Variants in MRPL42 observed in about 807,000 individuals in gnomAD.
The protein encoded by MRPL42 is mitochondrial ribosomal protein L42, also known as large ribosomal subunit protein mL42.
MRPL42 carries 17 observed loss-of-function variants against 17.9 expected under a neutral mutation model. The observed-to-expected ratio is 0.95, with a 90% CI of 0.65 to 1.42. The LOEUF (loss-of-function observed/expected upper bound fraction) is 1.42, where lower values mean the gene tolerates loss of function less well. MRPL42 is among the 40% of genes most tolerant of loss of function. The pLI, the probability that MRPL42 is intolerant of heterozygous loss-of-function variation, is 0.00. For missense variants in MRPL42, 177 were observed against 175.2 expected (o/e 1.01, Z -0.06); for synonymous variants, 59 against 54.4 (o/e 1.08, Z -0.37).
chr12:93,487,839 C>G (rs1953334461), intron 5 of MRPL42, 179 bp downstream of exon 5: 2 of 521,394 alleles, frequency 3.8e-6, no homozygotes, highest in Non-Finnish European at 6.5e-6. Flanking sequence ...CTCTGTCACC[C>G]AGGCTGGAGT....
chr12:93,474,419 G>A (rs575845275), intron 2 of MRPL42, among the ~76,000 whole-genome samples: 168 of 151,328 alleles, frequency 1.1e-3, no homozygotes, highest in South Asian at 2.1e-3. Context: ...GATTACAGGA[G>A]TGAGCCACCA....
Position 93,499,902 on chromosome 12 carries a change from T to A in MRPL42, c.384-1274T>A, listed in dbSNP as rs182345402. On this transcript the variant is annotated intron_variant, in intron 5 of 5. Transcript: ENST00000549982. ...TACCATTTATAGTATAAAACTGAAT[T>A]TCCACATTAGCAAAAGATTGAAAAC... is the stretch of plus-strand genomic sequence containing the variant. 1.6e-4 allele frequency among the ~76,000 whole-genome samples: 25 copies of A among 152,280 alleles called. No individual in the cohort carries two copies. The East Asian group carries it at 4.2e-3, about 26-fold the overall frequency.
chr12:93,486,738 A>G (rs1880758612), intron 4 of MRPL42, among the ~76,000 whole-genome samples: 1 of 152,244 alleles, frequency 6.6e-6, no homozygotes, highest in African/African-American at 2.4e-5. Flanking sequence ...TAATAGGCAT[A>G]ATTTATACCT....
intron 4 of MRPL42, among the ~76,000 whole-genome samples, chr12:93,482,193 T>A (rs1209572695): frequency 1.3e-5 from 2 of 152,228 alleles, no homozygotes; most frequent in African/African-American, 2.4e-5. Context: ...TTGCCTGGAA[T>A]GCTTTTACTT....
intron 2 of MRPL42, among the ~76,000 whole-genome samples, chr12:93,472,190 G>A (rs1194446128): frequency 6.6e-6 from 1 of 151,990 alleles, no homozygotes; most frequent in African/African-American, 2.4e-5. Context: ...TAAGAATTAG[G>A]TTACCCTAGA....
rs1210113625 is a variant in MRPL42, at chr12:93,511,349, CAAAT to C, written c.*10132_*10135del. The C allele has an allele frequency of 1.3e-5, 2 of 152,146 alleles. No homozygotes were observed. The allele number at this position is 152,146 out of a possible 1,614,324, so 9.4% of individuals were successfully genotyped here. On this transcript the variant is annotated 3_prime_UTR_variant, in exon 6 of 6. Coordinates refer to ENST00000549982, the MANE Select transcript of MRPL42 (RefSeq NM_014050.4). ...GAAAGCACAGATATTCATTATTTCA[CAAAT>C]AAACGTTAATGCTTTTTAGACATCT...
At position 93,515,795 on chromosome 12, in the gene MRPL42, A is replaced by T. The variant is rs1953776093; in HGVS notation, c.*14574A>T. The T allele has an allele frequency of 6.6e-6, 1 of 152,236 alleles. No individual in the cohort carries two copies. The highest frequency in any genetic ancestry group is 1.5e-5 in the Non-Finnish European group (1 of 68,042). 9.4% of individuals were successfully genotyped at this position (152,236 alleles called of 1,614,324 possible). On this transcript the variant is annotated 3_prime_UTR_variant, in exon 6 of 6. Transcript: ENST00000549982. ...CTATGTTATTTTCCTATTGGGCATA[A>T]GTCTCACAGAATACCAACATTAAAC... is the stretch of plus-strand genomic sequence containing the variant.
At chr12:93,479,313 C>A (rs1196177521) in intron 3 of MRPL42, 75 bp from the exon 4 acceptor site, 320 of 731,590 alleles carry the variant, frequency 4.4e-4, no homozygotes, top group African/African-American at 1.7e-3. Context: ...GAGTCCATCT[C>A]AAAAAAAAAA....
chr12:93,508,651 C>G lies in MRPL42; in HGVS notation c.*7430C>G, dbSNP rs1164353359. 6.6e-6 allele frequency: 1 copy of G among 152,080 alleles called. No individual in the cohort carries two copies. The highest frequency in any genetic ancestry group is 1.5e-5 in the Non-Finnish European group (1 of 68,026). 9.4% of individuals were successfully genotyped at this position (152,080 alleles called of 1,614,324 possible). A position where few individuals can be genotyped will look rare whatever the true frequency, so the allele number is the denominator to read the frequency against. ...TGTTTATGGGTTTACATTGTCATGT[C>G]TCCACAGGACAATGCACATGGTATG... On this transcript the variant is annotated 3_prime_UTR_variant, in exon 6 of 6. Transcript: ENST00000549982.
chr12:93,471,985 A>G (rs61934319), intron 2 of MRPL42, among the ~76,000 whole-genome samples: 22,368 of 152,188 alleles, frequency 0.15, 2,160 homozygotes, highest in Non-Finnish European at 0.21. Context: ...GCCCATCAGA[A>G]AACCAGTTAA....
chr12:93,475,087 G>A (rs1326514433), intron 2 of MRPL42, among the ~76,000 whole-genome samples: 1 of 151,936 alleles, frequency 6.6e-6, no homozygotes, highest in Non-Finnish European at 1.5e-5. Flanking sequence ...GGGGCAGGGA[G>A]AGTAAAAAGG....
At chr12:93,496,838 G>C (rs1251414059) in intron 5 of MRPL42, among the ~76,000 whole-genome samples, 1 of 151,862 alleles carries the variant, frequency 6.6e-6, no homozygotes, top group African/African-American at 2.4e-5. Context: ...TGGGGACGGA[G>C]TTCTGCTCTT....
intron 3 of MRPL42, among the ~76,000 whole-genome samples, chr12:93,479,041 C>T (rs1450551609): frequency 2.6e-5 from 4 of 151,260 alleles, no homozygotes; most frequent in African/African-American, 9.7e-5. Context: ...AAGTGATTCT[C>T]CTGCCTCAGC....
intron 2 of MRPL42, among the ~76,000 whole-genome samples, chr12:93,474,169 C>G (rs1880048380): frequency 6.6e-6 from 1 of 151,998 alleles, no homozygotes; most frequent in African/African-American, 2.4e-5. Flanking sequence ...GTTTTCTTGT[C>G]TGCATATTTC....
At chr12:93,490,365 T>C (rs1228155853) in intron 5 of MRPL42, among the ~76,000 whole-genome samples, 1 of 152,230 alleles carries the variant, frequency 6.6e-6, no homozygotes, top group Non-Finnish European at 1.5e-5. Flanking sequence ...CGTTTTTTAA[T>C]TGTAAAGTGA....
intron 2 of MRPL42, among the ~76,000 whole-genome samples, chr12:93,475,049 A>G (rs562815828): frequency 6.6e-6 from 1 of 152,208 alleles, no homozygotes; most frequent in African/African-American, 2.4e-5. Flanking sequence ...GCTGAGATAG[A>G]CAACTCTTTC....
chr12:93,484,975 C>CATATATATATAT lies in MRPL42; in HGVS notation c.220-2521_220-2520insTATATATATATA, dbSNP rs1565813718. 8.6e-5 allele frequency among the ~76,000 whole-genome samples: 2 copies of CATATATATATAT among 23,170 alleles called. 1 individual carries two copies. Among genetic ancestry groups the CATATATATATAT allele is most frequent in the African/African-American group, 2.5e-4 (2 of 8,008 alleles). 15.2% of individuals were successfully genotyped at this position (23,170 alleles called of 152,430 possible). ...GCTTTTTAAAAAACACACACACACA[C>CATATATATATAT]ACACATATATATATATATATATATA... On this transcript the variant is annotated intron_variant, in intron 4 of 5. Transcript: ENST00000549982.
intron 4 of MRPL42, among the ~76,000 whole-genome samples, chr12:93,486,957 C>G (rs2121231281): frequency 6.6e-6 from 1 of 151,122 alleles, no homozygotes; most frequent in South Asian, 2.1e-4. Context: ...AGCCACCACA[C>G]CCGGCCTTTC....
At chr12:93,490,451 T>C (rs1953390479) in intron 5 of MRPL42, among the ~76,000 whole-genome samples, 1 of 152,210 alleles carries the variant, frequency 6.6e-6, no homozygotes, top group Non-Finnish European at 1.5e-5. Flanking sequence ...TTTATGTGTA[T>C]AAAGAGAAAT....
Sources: allele counts gnomAD v4.1 joint callset (sites outside exome capture counted in the v4.1 genomes callset), GRCh38; gene constraint gnomAD v4.1.1; transcripts MANE v1.5; gene names NCBI Gene and HGNC (gene_info 2026-07-23, HGNC 2026-07-21).